Variants in XPNPEP2 observed in about 807,000 individuals in gnomAD.
The protein encoded by XPNPEP2 is xaa-Pro aminopeptidase 2.
Under a neutral mutation model 59.8 loss-of-function variants are expected in XPNPEP2, and 64 were observed. The ratio of observed to expected loss-of-function variants is 1.07; its 90% CI spans 0.87 to 1.32. XPNPEP2 has a LOEUF of 1.32. Ranked by LOEUF, XPNPEP2 falls within the 40% of genes most tolerant of loss-of-function variation. The pLI is 0.00. For synonymous variants in XPNPEP2, 235 were observed against 210.0 expected (o/e 1.12, Z -1.03); for missense variants, 575 against 546.8 (o/e 1.05, Z -0.51).
chrX:129,742,243 C>T, intron 2 of XPNPEP2, 62 bp downstream of exon 2: 1 of 649,736 alleles, frequency 1.5e-6, no homozygotes, highest in South Asian at 2.7e-5. Flanking sequence ...CCACCCCTGC[C>T]CCACGCACCC....
intron 14 of XPNPEP2, among the ~76,000 whole-genome samples, chrX:129,757,357 C>A (rs971704169): frequency 2.0e-4 from 22 of 110,439 alleles, no homozygotes; most frequent in African/African-American, 7.3e-4. Flanking sequence ...CCCTGGACAC[C>A]CCCGCACCAC....
chrX:129,743,871 T>A, intron 2 of XPNPEP2, 90 bp from the exon 3 acceptor site: 11 of 865,828 alleles, frequency 1.3e-5, no homozygotes, highest in Non-Finnish European at 1.9e-5. Context: ...CTGGGGGCTC[T>A]TCTGGAGGCC....
intron 17 of XPNPEP2, 88 bp downstream of exon 17, chrX:129,761,364 A>G (rs1926654373): frequency 1.3e-6 from 1 of 798,082 alleles, no homozygotes; most frequent in Admixed American, 2.9e-5. Context: ...TGGAAATGAC[A>G]AAGACCCACA....
chrX:129,752,031 C>T, intron 9 of XPNPEP2, 119 bp from the exon 10 acceptor site: 1 of 937,634 alleles, frequency 1.1e-6, no homozygotes, highest in Non-Finnish European at 1.5e-6. Flanking sequence ...ATCTGGCCTG[C>T]TTGGCTCCCT....
chrX:129,768,387 C>T lies in XPNPEP2; in HGVS notation c.1927C>T (p.Gln643Ter), dbSNP rs993142840. 1 of 1,208,025 alleles carries T rather than the reference C, an allele frequency of 8.3e-7. No individual in the cohort carries two copies. Among genetic ancestry groups the T allele is most frequent in the African/African-American group, 1.8e-5 (1 of 56,888 alleles). The change falls in exon 21 of 21, where the codon CAG (glutamine) becomes TAG (stop). Residue 643 changes from glutamine to a stop codon, truncating the protein, a stop_gained. Coordinates refer to ENST00000371106, the MANE Select transcript of XPNPEP2 (RefSeq NM_003399.6). LOFTEE classifies it low-confidence loss of function (END_TRUNC). ...ACTAGAGGAGTTCGAGTGGCTTCAA[C>T]AGCACACAGAGCCCCTGGCCGCCAG... ...QLLEEFEWLQQHTEPLAARAP... is the reference protein window; with the variant it reads ...QLLEEFEWLQ
intron 19 of XPNPEP2, among the ~76,000 whole-genome samples, chrX:129,765,838 G>A (rs758565490): frequency 2.7e-5 from 3 of 109,915 alleles, no homozygotes; most frequent in Admixed American, 9.7e-5. Context: ...GGGTTTCACC[G>A]TGTTGGCCAG....
intron 18 of XPNPEP2, 50 bp from the exon 19 acceptor site, chrX:129,762,644 G>T: frequency 8.8e-7 from 1 of 1,135,950 alleles, no homozygotes; most frequent in Non-Finnish European, 1.2e-6. Flanking sequence ...GGAAGCCTGG[G>T]CTTGGGCCCT....
chrX:129,757,935 GAAAGAAAGAAAGAAAGAAAGAAAGAAAA>G (rs1926583406), intron 14 of XPNPEP2, among the ~76,000 whole-genome samples: 1 of 106,528 alleles, frequency 9.4e-6, no homozygotes, highest in Non-Finnish European at 2.0e-5. Flanking sequence ...AAGAAAGAAA[GAAAGAAAGAAAGAAAGAAAGAAAGAAAA>G]AGAATAGGCT....
At chrX:129,767,787 G>GAGGGGC in intron 20 of XPNPEP2, 95 bp downstream of exon 20, 1 of 944,237 alleles carries the variant, frequency 1.1e-6, no homozygotes, top group Non-Finnish European at 1.5e-6. Context: ...CCTCCTCCAG[G>GAGGGGC]AGGGTCCACA....
intron 19 of XPNPEP2, among the ~76,000 whole-genome samples, chrX:129,763,806 C>T (rs772000801): frequency 1.8e-5 from 2 of 111,760 alleles, no homozygotes; most frequent in African/African-American, 6.5e-5. Flanking sequence ...AGTAAACCCT[C>T]TTATTCCCAT....
At chrX:129,742,599 G>T (rs1926213781) in intron 2 of XPNPEP2, among the ~76,000 whole-genome samples, 1 of 111,516 alleles carries the variant, frequency 9.0e-6, no homozygotes, top group Non-Finnish European at 1.9e-5. Flanking sequence ...GAGGAAGACA[G>T]AGGTTAGAAG....
intron 3 of XPNPEP2, 92 bp downstream of exon 3, chrX:129,744,163 G>A: frequency 1.2e-6 from 1 of 845,094 alleles, no homozygotes; most frequent in South Asian, 2.2e-5. Flanking sequence ...GATGAAGACA[G>A]AGAAAGGATC....
intron 4 of XPNPEP2, 50 bp downstream of exon 4, chrX:129,745,316 G>C: frequency 8.4e-7 from 1 of 1,185,132 alleles, no homozygotes; most frequent in Non-Finnish European, 1.1e-6. Flanking sequence ...ATCCAGAGGT[G>C]GTCACAGAGG....
chrX:129,742,709 C>T (rs1926217129), intron 2 of XPNPEP2, among the ~76,000 whole-genome samples: 1 of 110,932 alleles, frequency 9.0e-6, no homozygotes, highest in African/African-American at 3.3e-5. Context: ...CGAGACCAGC[C>T]TGGGCAACAT....
chrX:129,743,034 A>G (rs1926226771), intron 2 of XPNPEP2, among the ~76,000 whole-genome samples: 1 of 112,244 alleles, frequency 8.9e-6, no homozygotes, highest in African/African-American at 3.2e-5. Context: ...GCTGGAGACC[A>G]GAGTGATTCT....
intron 8 of XPNPEP2, among the ~76,000 whole-genome samples, chrX:129,751,395 C>T (rs1926393703): frequency 9.1e-6 from 1 of 109,443 alleles, no homozygotes; most frequent in South Asian, 4.0e-4. Flanking sequence ...GCAAACCCAG[C>T]TACCTGGGAG....
At chrX:129,739,511 CTTAAT>C (rs1401279802) in intron 1 of XPNPEP2, among the ~76,000 whole-genome samples, 2 of 112,058 alleles carry the variant, frequency 1.8e-5, no homozygotes, top group Admixed American at 1.9e-4. Flanking sequence ...GTAAGGAAAA[CTTAAT>C]TTAAGACTAC....
intron 6 of XPNPEP2, 147 bp from the exon 7 acceptor site, chrX:129,747,460 G>A (rs1334299934): frequency 6.7e-6 from 5 of 748,449 alleles, no homozygotes; most frequent in Middle Eastern, 4.8e-4. Context: ...TGCCGGGGGT[G>A]GGGGGTGGGC....
At chrX:129,743,347 A>G (rs5932670) in intron 2 of XPNPEP2, among the ~76,000 whole-genome samples, 26,844 of 110,665 alleles carry the variant, frequency 0.24, 2,481 homozygotes, top group East Asian at 0.37. Context: ...GCATTCATTC[A>G]CTCTCCTCTG....
Sources: gnomAD v4.1 joint callset for allele counts (sites outside exome capture counted in the v4.1 genomes callset) on GRCh38, gnomAD v4.1.1 for gene constraint, MANE v1.5 for transcripts, NCBI Gene and HGNC (gene_info 2026-07-23, HGNC 2026-07-21) for gene names.